Variants in TNFRSF10B observed in about 807,000 individuals in gnomAD.
TNFRSF10B encodes tumor necrosis factor receptor superfamily member 10B.
A neutral mutation model predicts 41.4 loss-of-function variants in TNFRSF10B; 35 were observed. The observed-to-expected ratio is 0.85, with a 90% CI of 0.65 to 1.12. The LOEUF is 1.12. TNFRSF10B is among the 50% of genes most tolerant of loss of function. The probability of loss-of-function intolerance (pLI) is 0.00; values close to 1 mark genes in which losing one functional copy is unlikely to be tolerated. For synonymous variants in TNFRSF10B, 230 were observed against 215.5 expected (o/e 1.07, Z -0.59); for missense variants, 584 against 552.7 (o/e 1.06, Z -0.57).
chr8:23,038,709 T>C (rs10100680), intron 2 of TNFRSF10B, among the ~76,000 whole-genome samples: 1,872 of 152,276 alleles, frequency 0.012, 45 homozygotes, highest in African/African-American at 0.042. Flanking sequence ...ATAGCTGTAT[T>C]ATGTTAGGTG....
chr8:23,063,305 G>A (rs566944878), intron 1 of TNFRSF10B, among the ~76,000 whole-genome samples: 9 of 148,356 alleles, frequency 6.1e-5, no homozygotes, highest in South Asian at 2.1e-4. Flanking sequence ...CCGAGATTGC[G>A]CCATTGCACT....
chr8:23,022,710 G>T lies in TNFRSF10B; in HGVS notation c.1284C>A (p.Phe428Leu), dbSNP rs1811572354. 1.2e-6 allele frequency: 2 copies of T among 1,613,996 alleles called. No individual in the cohort carries two copies. Among genetic ancestry groups the T allele is most frequent in the Non-Finnish European group, 1.7e-6 (2 of 1,180,008 alleles). Residue 428 changes from phenylalanine (F) to leucine (L), a missense_variant, in exon 9 of 9, where the codon TTC becomes TTA. Coordinates refer to ENST00000276431, the MANE Select transcript of TNFRSF10B (RefSeq NM_003842.5). ...AGTCTGCATTACCTTCTAGATACATGAACTTTCCAGAGCTCAACAAGTGGT... is the reference window on the plus strand; with the variant it reads ...AGTCTGCATTACCTTCTAGATACATTAACTTTCCAGAGCTCAACAAGTGGT... ...IEDHLLSSGK[F>L]MYLEGNADSA... is the part of the protein sequence containing the mutation.
At chr8:23,030,243 T>C (rs1254545407) in intron 3 of TNFRSF10B, among the ~76,000 whole-genome samples, 1 of 152,224 alleles carries the variant, frequency 6.6e-6, no homozygotes, top group Non-Finnish European at 1.5e-5. Context: ...CCCCACCCCC[T>C]TGCAGCTGAC....
At chr8:23,044,441 A>C (rs1287640181) in intron 1 of TNFRSF10B, among the ~76,000 whole-genome samples, 1 of 152,210 alleles carries the variant, frequency 6.6e-6, no homozygotes, top group Non-Finnish European at 1.5e-5. Context: ...TAATATCTAA[A>C]ATATATAAAA....
chr8:23,060,863 T>C (rs1563324731), intron 1 of TNFRSF10B, among the ~76,000 whole-genome samples: 1 of 152,196 alleles, frequency 6.6e-6, no homozygotes, highest in Non-Finnish European at 1.5e-5. Flanking sequence ...GTGAGTTTAC[T>C]CCTATTTTAT....
At chr8:23,041,357 T>C (rs1812196707) in intron 2 of TNFRSF10B, among the ~76,000 whole-genome samples, 1 of 151,684 alleles carries the variant, frequency 6.6e-6, no homozygotes, top group Admixed American at 6.6e-5. Flanking sequence ...GCGCCCGGCG[T>C]TATATGGGAA....
At chr8:23,024,127 A>C in intron 8 of TNFRSF10B, 61 bp downstream of exon 8, 1 of 1,596,710 alleles carries the variant, frequency 6.3e-7, no homozygotes. Context: ...TGGGGACAGC[A>C]GTTAGGACCC....
chr8:23,051,732 A>T (rs1812524419), intron 1 of TNFRSF10B, among the ~76,000 whole-genome samples: 1 of 151,990 alleles, frequency 6.6e-6, no homozygotes, highest in African/African-American at 2.4e-5. Flanking sequence ...TTTAGTAGAG[A>T]TGGGGTTTCA....
chr8:23,038,585 T>C (rs1196617078), intron 2 of TNFRSF10B, among the ~76,000 whole-genome samples: 1 of 152,238 alleles, frequency 6.6e-6, no homozygotes, highest in Non-Finnish European at 1.5e-5. Flanking sequence ...ATTTAAGTAT[T>C]GTTCACTTTA....
intron 1 of TNFRSF10B, among the ~76,000 whole-genome samples, chr8:23,046,576 A>G (rs1217285009): frequency 6.6e-6 from 1 of 151,224 alleles, no homozygotes; most frequent in Admixed American, 6.6e-5. Flanking sequence ...CATTTTTCAT[A>G]GAAATAGAGA....
intron 2 of TNFRSF10B, among the ~76,000 whole-genome samples, chr8:23,042,503 C>T (rs994020759): frequency 6.6e-5 from 10 of 152,112 alleles, no homozygotes; most frequent in African/African-American, 1.7e-4. Flanking sequence ...AATGACCTTA[C>T]GGGACACCAC....
chr8:23,021,978 G>A lies in TNFRSF10B; in HGVS notation c.*693C>T, dbSNP rs1248755829. 2.2e-6 allele frequency: 1 copy of A among 452,294 alleles called. No homozygotes were observed. Among genetic ancestry groups the A allele is most frequent in the Admixed American group, 2.4e-5 (1 of 42,462 alleles). 28.0% of individuals were successfully genotyped at this position (452,294 alleles called of 1,614,324 possible). A position where few individuals can be genotyped will look rare whatever the true frequency, so the allele number is the denominator to read the frequency against. On this transcript the variant is annotated 3_prime_UTR_variant, in exon 9 of 9. Coordinates refer to ENST00000276431, the MANE Select transcript of TNFRSF10B (RefSeq NM_003842.5). Reference sequence around the variant, plus strand: ...AGAATTATAAAAGTAGAAAGGTAAGGCCAAGCATGGGGGCTCACGCCTCTA... The same window carrying A: ...AGAATTATAAAAGTAGAAAGGTAAGACCAAGCATGGGGGCTCACGCCTCTA...
In TNFRSF10B at chr8:23,030,719, C is replaced by T. The variant is rs764427809; in HGVS notation, c.364+40G>A. 15 of 1,499,944 alleles carry T rather than the reference C, an allele frequency of 1.0e-5. No homozygotes were observed. In the South Asian group the frequency reaches 1.5e-4, roughly 15 times the overall value. 92.9% of individuals were successfully genotyped at this position (1,499,944 alleles called of 1,614,324 possible). A position where few individuals can be genotyped will look rare whatever the true frequency, so the allele number is the denominator to read the frequency against. On this transcript the variant is annotated intron_variant, in intron 3 of 8. Coordinates refer to ENST00000276431, the MANE Select transcript of TNFRSF10B (RefSeq NM_003842.5). ...AGCTACAACTTTTATGTCATCACCC[C>T]GCATTCCACCTTTAGGCATGGGGTC...
At chr8:23,054,931 G>C (rs1166662261) in intron 1 of TNFRSF10B, among the ~76,000 whole-genome samples, 1 of 152,110 alleles carries the variant, frequency 6.6e-6, no homozygotes, top group Non-Finnish European at 1.5e-5. Flanking sequence ...GTATAATAAA[G>C]CAAACCAGTC....
At chr8:23,036,290 A>G (rs1812027890) in intron 2 of TNFRSF10B, among the ~76,000 whole-genome samples, 1 of 152,220 alleles carries the variant, frequency 6.6e-6, no homozygotes, top group Non-Finnish European at 1.5e-5. Context: ...ATTGGTATAT[A>G]TACAAAATTG....
intron 1 of TNFRSF10B, among the ~76,000 whole-genome samples, chr8:23,046,510 C>T (rs1812364344): frequency 6.6e-6 from 1 of 151,462 alleles, no homozygotes; most frequent in Admixed American, 6.6e-5. Flanking sequence ...TTAAAATGTC[C>T]ATACTATCCA....
intron 1 of TNFRSF10B, among the ~76,000 whole-genome samples, chr8:23,056,140 C>G (rs183580987): frequency 7.9e-5 from 12 of 152,260 alleles, no homozygotes; most frequent in Admixed American, 4.6e-4. Context: ...ACCAGATGAT[C>G]CAGCAATCCC....
chr8:23,068,000 A>T (rs1214689848), intron 1 of TNFRSF10B, among the ~76,000 whole-genome samples: 1 of 152,108 alleles, frequency 6.6e-6, no homozygotes, highest in African/African-American at 2.4e-5. Flanking sequence ...CCCCATTATC[A>T]CGGATACTTG....
At chr8:23,042,249 T>C (rs56070946) in intron 2 of TNFRSF10B, among the ~76,000 whole-genome samples, 54,656 of 152,164 alleles carry the variant, frequency 0.36, 9,869 homozygotes, top group South Asian at 0.47. Context: ...CAAGCCCACA[T>C]GTGCAATGTG....
Sources: allele counts gnomAD v4.1 joint callset (sites outside exome capture counted in the v4.1 genomes callset), GRCh38; gene constraint gnomAD v4.1.1; transcripts MANE v1.5; gene names NCBI Gene and HGNC (gene_info 2026-07-23, HGNC 2026-07-21).